Variants in ADH5 observed in about 807,000 individuals in gnomAD.
ADH5 encodes the protein alcohol dehydrogenase class-3.
In ADH5, 32 loss-of-function variants were observed where a neutral mutation model predicts 40.3. The observed-to-expected ratio is 0.79, with a 90% CI of 0.60 to 1.07. The LOEUF is 1.07. Ranked by LOEUF, ADH5 falls within the 50% of genes least tolerant of loss-of-function variation. The pLI is 0.00. For synonymous variants in ADH5, 125 were observed against 154.3 expected (o/e 0.81, Z 1.41); for missense variants, 353 against 460.5 (o/e 0.77, Z 2.14).
chr4:99,088,774 C>A lies in ADH5; in HGVS notation c.-74G>T. On this transcript the variant is annotated 5_prime_UTR_variant, in exon 1 of 9. Coordinates refer to ENST00000296412, the MANE Select transcript of ADH5 (RefSeq NM_000671.4). ...CGCAGCGACGGAGGCATGGGCGTGGCGAGCGCCTAGCGAGGGGGGCGGGGC... is the reference window on the plus strand; with the variant it reads ...CGCAGCGACGGAGGCATGGGCGTGGAGAGCGCCTAGCGAGGGGGGCGGGGC... 1 of 1,143,820 alleles carries A rather than the reference C, an allele frequency of 8.7e-7. No homozygotes were observed. 70.9% of individuals were successfully genotyped at this position (1,143,820 alleles called of 1,614,324 possible).
intron 7 of ADH5, 78 bp from the exon 8 acceptor site, chr4:99,072,789 T>A: frequency 7.3e-7 from 1 of 1,371,470 alleles, no homozygotes; most frequent in Non-Finnish European, 1.0e-6. Flanking sequence ...AAAAGGCATT[T>A]AAAAGAATGA....
intron 1 of ADH5, among the ~76,000 whole-genome samples, chr4:99,085,861 C>G (rs1170427898): frequency 6.6e-6 from 1 of 152,122 alleles, no homozygotes. Flanking sequence ...CATGGTGAAA[C>G]CTCATCTCTA....
chr4:99,075,066 A>G lies in ADH5; in HGVS notation c.826-17T>C, dbSNP rs770499965. 3 of 1,567,188 alleles carry G rather than the reference A, an allele frequency of 1.9e-6. No homozygotes were observed. Among genetic ancestry groups the G allele is most frequent in the East Asian group, 2.3e-5 (1 of 43,392 alleles). ...TGCTGCTCTCTGCAGGCACAGAGAT[A>G]TGACCAAATCACAGAAGTCAGTGCA... On this transcript the variant is annotated splice_polypyrimidine_tract_variant and intron_variant, in intron 6 of 8. Coordinates refer to ENST00000296412, the MANE Select transcript of ADH5 (RefSeq NM_000671.4).
intron 1 of ADH5, among the ~76,000 whole-genome samples, chr4:99,086,640 A>G (rs1469666635): frequency 4.6e-5 from 7 of 152,144 alleles, no homozygotes; most frequent in African/African-American, 1.4e-4. Flanking sequence ...TGAGAACTGA[A>G]TAAGAAAGAA....
At chr4:99,079,461 G>A (rs76179152) in intron 4 of ADH5, among the ~76,000 whole-genome samples, 2,302 of 152,308 alleles carry the variant, frequency 0.015, 18 homozygotes, top group Middle Eastern at 0.041. Flanking sequence ...GGTTACCTAA[G>A]AGGGAGGTAG....
rs758932578 is a variant in ADH5, at chr4:99,076,476, G to A, written c.641C>T (p.Ala214Val). ...CACACCAATGATCCGGGAAGCACCAGCCACTTTACAGCCCATGATAACTGC... is the reference window on the plus strand; with the variant it reads ...CACACCAATGATCCGGGAAGCACCAACCACTTTACAGCCCATGATAACTGC... ...GLAVIMGCKV[A>V]GASRIIGVDI... The change falls in exon 6 of 9, where the codon GCT becomes GTT. Residue 214 changes from alanine to valine, a missense_variant. Ala to Val is a moderately conservative substitution (Grantham distance 64). Coordinates refer to ENST00000296412, the MANE Select transcript of ADH5 (RefSeq NM_000671.4). The A allele has an allele frequency of 1.2e-5, 19 of 1,614,044 alleles. No homozygotes were observed. The African/African-American group carries it at 2.4e-4, about 20-fold the overall frequency.
Position 99,088,755 on chromosome 4 carries a change from G to T in ADH5, c.-55C>A, listed in dbSNP as rs29001343. On this transcript the variant is annotated 5_prime_UTR_variant, in exon 1 of 9. It introduces an in-frame stop codon into an upstream open reading frame of the 5' UTR. Transcript: ENST00000296412. ...TGACATCCGGGGTGGGCCGCGCAGC[G>T]ACGGAGGCATGGGCGTGGCGAGCGC... is the stretch of plus-strand genomic sequence containing the variant. 1.3e-5 allele frequency: 20 copies of T among 1,577,860 alleles called. No individual in the cohort carries two copies. Among genetic ancestry groups the T allele is most frequent in the African/African-American group, 4.1e-5 (3 of 73,064 alleles).
At position 99,071,843 on chromosome 4, in the gene ADH5, T is replaced by C. The variant is rs6827292; in HGVS notation, c.*574A>G. On this transcript the variant is annotated 3_prime_UTR_variant, in exon 9 of 9. Transcript: ENST00000296412. ...TAAGCCCAGAATGCTGTTTCAATAA[T>C]ACATTTTAGTGCCCCCTGAAGGGCA... The C allele has an allele frequency of 0.063, 9,600 of 152,796 alleles. 470 individuals are homozygous for C. The highest frequency in any genetic ancestry group is 0.14 in the African/African-American group (5,835 of 41,548). 9.5% of individuals were successfully genotyped at this position (152,796 alleles called of 1,614,324 possible).
At chr4:99,085,546 T>G in intron 1 of ADH5, 1 of 324,880 alleles carries the variant, frequency 3.1e-6, no homozygotes, top group Middle Eastern at 3.8e-4. Flanking sequence ...AGGTCTGGCA[T>G]GGGGTCCAAG....
At chr4:99,074,780 C>A (rs1167686037) in intron 7 of ADH5, 134 bp downstream of exon 7, 3 of 1,080,740 alleles carry the variant, frequency 2.8e-6, no homozygotes, top group Non-Finnish European at 3.9e-6. Context: ...AACAGCCTTG[C>A]ATGCAACAAC....
chr4:99,082,222 T>A, intron 2 of ADH5, 106 bp from the exon 3 acceptor site: 1 of 1,146,124 alleles, frequency 8.7e-7, no homozygotes, highest in Non-Finnish European at 1.2e-6. Flanking sequence ...TCATTGACTC[T>A]AAGACACATT....
At chr4:99,084,450 A>C (rs1221763947) in intron 2 of ADH5, among the ~76,000 whole-genome samples, 1 of 152,216 alleles carries the variant, frequency 6.6e-6, no homozygotes, top group East Asian at 1.9e-4. Context: ...ATGCCATGGC[A>C]ATGTCATGAA....
chr4:99,074,063 A>G (rs1727879139), intron 7 of ADH5, among the ~76,000 whole-genome samples: 1 of 152,230 alleles, frequency 6.6e-6, no homozygotes, highest in Admixed American at 6.5e-5. Flanking sequence ...CCCTCATTTT[A>G]GCATATTTTC....
At chr4:99,074,766 A>G in intron 7 of ADH5, 148 bp downstream of exon 7, 1 of 994,658 alleles carries the variant, frequency 1.0e-6, no homozygotes, top group Non-Finnish European at 1.4e-6. Flanking sequence ...ATCCCTTCTA[A>G]TAAAACAGCC....
intron 1 of ADH5, among the ~76,000 whole-genome samples, chr4:99,088,369 G>A (rs1276521841): frequency 6.6e-6 from 1 of 152,170 alleles, no homozygotes; most frequent in Non-Finnish European, 1.5e-5. Flanking sequence ...AAGAAGCAAT[G>A]CGTGGCCGCT....
chr4:99,076,828 G>C lies in ADH5; in HGVS notation c.440C>G (p.Ser147Cys). ...GATATCAGCCACAACTGTGTATTCA[G>C]AAAATGTGCTGGTTCCCATGTAATG... is the stretch of plus-strand genomic sequence containing the variant. The part of the protein sequence containing the change: ...ILHYMGTSTF[S>C]EYTVVADISV... The change falls in exon 5 of 9, where the codon TCT (serine) becomes TGT (cysteine). Residue 147 changes from serine to cysteine, a missense_variant. Transcript: ENST00000296412. 1 of 1,613,898 alleles carries C rather than the reference G, an allele frequency of 6.2e-7. No homozygotes were observed. Among genetic ancestry groups the C allele is most frequent in the South Asian group, 1.1e-5 (1 of 91,066 alleles).
intron 2 of ADH5, among the ~76,000 whole-genome samples, chr4:99,083,204 A>G (rs1453798108): frequency 2.6e-5 from 4 of 152,188 alleles, no homozygotes; most frequent in Admixed American, 6.5e-5. Context: ...CAGGACAAAC[A>G]TCTTCAGTGG....
chr4:99,072,423 C>T lies in ADH5; in HGVS notation c.1119G>A (p.Lys373=). The T allele has an allele frequency of 6.2e-7, 1 of 1,613,216 alleles. No individual in the cohort carries two copies. The highest frequency in any genetic ancestry group is 2.2e-5 in the East Asian group (1 of 44,852). ...HSGKSIRTVV[K]I is the part of the protein sequence containing the mutation. ...ATTATTTTTCTCTTTTGAATTAAATCTTTACAACAGTTCGAATGCTGTAAA... is the reference window on the plus strand; with the variant it reads ...ATTATTTTTCTCTTTTGAATTAAATTTTTACAACAGTTCGAATGCTGTAAA... The change falls in exon 9 of 9, where the codon AAG becomes AAA. Residue 373 remains lysine (K), a synonymous_variant. Coordinates refer to ENST00000296412, the MANE Select transcript of ADH5 (RefSeq NM_000671.4).
chr4:99,081,238 A>T, intron 4 of ADH5, 127 bp downstream of exon 4: 1 of 673,062 alleles, frequency 1.5e-6, no homozygotes, highest in Non-Finnish European at 2.6e-6. Context: ...CAGTCCTTTG[A>T]ACGTTAATCC....
Sources: allele counts gnomAD v4.1 joint callset (sites outside exome capture counted in the v4.1 genomes callset), GRCh38; gene constraint gnomAD v4.1.1; transcripts MANE v1.5; gene names NCBI Gene and HGNC (gene_info 2026-07-23, HGNC 2026-07-21).